The following SUFU variants were observed in gnomAD, a reference collection of about 807,000 sequenced individuals.
The protein encoded by SUFU is SUFU negative regulator of hedgehog signaling.
SUFU carries 7 observed loss-of-function variants against 58.9 expected under a neutral mutation model. That is an observed-to-expected ratio of 0.12 (90% CI 0.07 to 0.22). The LOEUF (loss-of-function observed/expected upper bound fraction) is 0.22. SUFU is among the 10% of genes least tolerant of loss of function. The probability of loss-of-function intolerance (pLI) is 1.00; values close to 1 mark genes in which losing one functional copy is unlikely to be tolerated. For missense variants in SUFU, 451 were observed against 641.3 expected (o/e 0.70, Z 3.20); for synonymous variants, 232 against 254.8 (o/e 0.91, Z 0.85).
At chr10:102,515,661 C>T (rs1884929) in intron 2 of SUFU, among the ~76,000 whole-genome samples, 53,271 of 151,878 alleles carry the variant, frequency 0.35, 9,500 homozygotes, top group African/African-American at 0.39. Context: ...ATCCTTTCTT[C>T]GCCATACACA....
intron 2 of SUFU, among the ~76,000 whole-genome samples, chr10:102,524,330 T>C (rs1305634879): frequency 1.1e-4 from 7 of 60,892 alleles, no homozygotes; most frequent in African/African-American, 4.8e-4. Context: ...TTTTCTTTTC[T>C]TTTTTTTTTT....
At chr10:102,570,139 T>C (rs1166097199) in intron 3 of SUFU, among the ~76,000 whole-genome samples, 1 of 152,200 alleles carries the variant, frequency 6.6e-6, no homozygotes, top group East Asian at 1.9e-4. Flanking sequence ...CCTAGTCGTC[T>C]GGGCAGTTGC....
At chr10:102,596,067 C>T (rs1369628759) in intron 6 of SUFU, among the ~76,000 whole-genome samples, 3 of 152,114 alleles carry the variant, frequency 2.0e-5, no homozygotes, top group East Asian at 3.9e-4. Flanking sequence ...TCTTCCTGCT[C>T]GGAACCCACA....
chr10:102,619,310 G>A lies in SUFU; in HGVS notation c.1296+1882G>A. On this transcript the variant is annotated intron_variant, in intron 10 of 11. Transcript: ENST00000369902. The surrounding 1 kb of genome is among the most constrained non-coding windows in gnomAD (Gnocchi z 4.2). Reference sequence around the variant, plus strand: ...GTGCCACAACCCCCTCACCTCCCTGGCAGCCCCTCAGCGAGCCTGAGGCCC... The same window carrying A: ...GTGCCACAACCCCCTCACCTCCCTGACAGCCCCTCAGCGAGCCTGAGGCCC... The A allele has an allele frequency of 7.0e-7, 1 of 1,437,428 alleles. No individual in the cohort carries two copies. The highest frequency in any genetic ancestry group is 9.1e-7 in the Non-Finnish European group (1 of 1,098,670). 89.0% of individuals were successfully genotyped at this position (1,437,428 alleles called of 1,614,324 possible).
chr10:102,517,998 A>G (rs999218199), intron 2 of SUFU, among the ~76,000 whole-genome samples: 5 of 152,194 alleles, frequency 3.3e-5, no homozygotes, highest in Admixed American at 6.5e-5. Flanking sequence ...TTGAGAAAGA[A>G]GATGACAGTG....
intron 3 of SUFU, among the ~76,000 whole-genome samples, chr10:102,571,538 A>C (rs1161451784): frequency 6.6e-6 from 1 of 151,948 alleles, no homozygotes; most frequent in Admixed American, 6.6e-5. Flanking sequence ...AACAAACAAA[A>C]AATTAGCCAG....
At chr10:102,518,519 G>GTCTATGTATCTATCTA (rs2062501619) in intron 2 of SUFU, among the ~76,000 whole-genome samples, 4 of 147,114 alleles carry the variant, frequency 2.7e-5, no homozygotes, top group Non-Finnish European at 6.0e-5. Context: ...CTGTCTGTCT[G>GTCTATGTATCTATCTA]TCTATCTATC....
intron 2 of SUFU, among the ~76,000 whole-genome samples, chr10:102,515,682 G>A (rs940364106): frequency 6.6e-6 from 1 of 152,100 alleles, no homozygotes; most frequent in African/African-American, 2.4e-5. Context: ...TCTGTACTGG[G>A]AGCTTGGTCC....
At chr10:102,613,587 G>T (rs2063649099) in intron 8 of SUFU, among the ~76,000 whole-genome samples, 2 of 152,260 alleles carry the variant, frequency 1.3e-5, no homozygotes, top group African/African-American at 2.4e-5. Flanking sequence ...CTGTCTGGCT[G>T]TCATCCTGGG....
rs1025025620 is a variant in SUFU, at chr10:102,520,633, C to T, written c.317+11330C>T. On this transcript the variant is annotated intron_variant, in intron 2 of 11. Coordinates refer to ENST00000369902, the MANE Select transcript of SUFU (RefSeq NM_016169.4). ...TCCACCTGTTCATTCCTCCCTCCCCCGAAACCCCTGGCAACAACTGTTTGG... is the reference window on the plus strand; with the variant it reads ...TCCACCTGTTCATTCCTCCCTCCCCTGAAACCCCTGGCAACAACTGTTTGG... Among the ~76,000 whole-genome samples, 4 of 152,172 alleles carry T rather than the reference C, an allele frequency of 2.6e-5. 1 individual carries two copies. The highest frequency in any genetic ancestry group is 6.6e-5 in the Admixed American group (1 of 15,264).
chr10:102,621,915 G>T (rs183862497), intron 10 of SUFU, among the ~76,000 whole-genome samples: 17 of 152,348 alleles, frequency 1.1e-4, no homozygotes, highest in South Asian at 2.1e-4. Flanking sequence ...CAGCAGCTGG[G>T]CCCCTGCCTG....
chr10:102,574,734 A>T (rs927697892), intron 3 of SUFU, among the ~76,000 whole-genome samples: 35 of 152,192 alleles, frequency 2.3e-4, no homozygotes, highest in Non-Finnish European at 5.9e-5. Context: ...TCTTTCTTTT[A>T]AAAAAAATGT....
chr10:102,613,986 C>G (rs2063654341), intron 8 of SUFU, among the ~76,000 whole-genome samples: 1 of 152,248 alleles, frequency 6.6e-6, no homozygotes. Flanking sequence ...CCAGCCAAGC[C>G]CACTGGTCTG....
Position 102,617,520 on chromosome 10 carries a change from C to T in SUFU, c.1296+92C>T. On this transcript the variant is annotated intron_variant, in intron 10 of 11. Transcript: ENST00000369902. The surrounding 1 kb of genome is among the most constrained non-coding windows in gnomAD (Gnocchi z 4.4). ...CCCTTGGCAGCTCTTGATGGCACCC[C>T]TTCCTGGGGGGCTGGTCATGAATGC... is the stretch of plus-strand genomic sequence containing the variant. 6.4e-7 allele frequency: 1 copy of T among 1,571,724 alleles called. No homozygotes were observed. Among genetic ancestry groups the T allele is most frequent in the Non-Finnish European group, 8.7e-7 (1 of 1,142,974 alleles).
Position 102,630,430 on chromosome 10 carries a change from A to G in SUFU, c.*275A>G. 1 of 514,130 alleles carries G rather than the reference A, an allele frequency of 1.9e-6. No homozygotes were observed. Among genetic ancestry groups the G allele is most frequent in the South Asian group, 2.0e-5 (1 of 49,696 alleles). The allele number at this position is 514,130 out of a possible 1,614,324, so 31.8% of individuals were successfully genotyped here. A position where few individuals can be genotyped will look rare whatever the true frequency, so the allele number is the denominator to read the frequency against. On this transcript the variant is annotated 3_prime_UTR_variant, in exon 12 of 12. Transcript: ENST00000369902. ...CGGACCCTCCCTGCCTGCAGCCTGC[A>G]CAGATTCTGGTTTGAGGTTTGACTC...
At chr10:102,618,934 G>A in intron 10 of SUFU, 1 of 240,188 alleles carries the variant, frequency 4.2e-6, no homozygotes, top group Non-Finnish European at 9.0e-6. Flanking sequence ...CAGGTAGCGT[G>A]TGTGTGTGTG....
chr10:102,504,659 A>G (rs1190478924), intron 1 of SUFU, among the ~76,000 whole-genome samples: 2 of 149,082 alleles, frequency 1.3e-5, no homozygotes, highest in Admixed American at 1.3e-4. Context: ...GTAGGGGGTC[A>G]TTAGTGGGCG....
chr10:102,524,248 C>T (rs1320193754), intron 2 of SUFU, among the ~76,000 whole-genome samples: 4 of 151,510 alleles, frequency 2.6e-5, no homozygotes, highest in Non-Finnish European at 5.9e-5. Context: ...TCAAGCGATC[C>T]TTCTGTCTTG....
intron 6 of SUFU, among the ~76,000 whole-genome samples, chr10:102,595,235 T>C (rs1268184429): frequency 6.6e-6 from 1 of 152,206 alleles, no homozygotes; most frequent in African/African-American, 2.4e-5. Context: ...GATGGACATG[T>C]AGCCAGCAGC....
Sources: gnomAD v4.1 joint callset for allele counts (sites outside exome capture counted in the v4.1 genomes callset) on GRCh38, gnomAD v4.1.1 for gene constraint, Gnocchi (gnomAD v3.1) non-coding constraint, MANE v1.5 for transcripts, NCBI Gene and HGNC (gene_info 2026-07-23, HGNC 2026-07-21) for gene names.